Variants in CIMIP2C observed in about 807,000 individuals in gnomAD.
CIMIP2C encodes UPF0573 protein C2orf70.
At chr2:26,577,661 C>A in the CIMIP2C span, 1 of 1,533,294 alleles carries the variant, frequency 6.5e-7, no homozygotes, top group Admixed American at 1.7e-5. Context: ...TCTACGCAGT[C>A]AAGAAACGCA....
the CIMIP2C span, among the ~76,000 whole-genome samples, chr2:26,565,823 G>T: frequency 1.3e-5 from 2 of 152,328 alleles, no homozygotes; most frequent in Non-Finnish European, 2.9e-5. Context: ...TAGGAACCCC[G>T]GGGAACATGA....
the CIMIP2C span, chr2:26,577,654 A>G: frequency 1.3e-6 from 2 of 1,584,394 alleles, no homozygotes; most frequent in South Asian, 2.2e-5. Flanking sequence ...CCCTTCATCT[A>G]CGCAGTCAAG....
the CIMIP2C span, among the ~76,000 whole-genome samples, chr2:26,571,154 A>G: frequency 1.3e-5 from 2 of 152,070 alleles, no homozygotes; most frequent in East Asian, 1.9e-4. Context: ...AGAGGCTGTC[A>G]TTGACATACG....
chr2:26,576,860 G>T, the CIMIP2C span, among the ~76,000 whole-genome samples: 1 of 152,236 alleles, frequency 6.6e-6, no homozygotes, highest in African/African-American at 2.4e-5. Flanking sequence ...ATGGGCCTGA[G>T]CTGGCCCTTA....
chr2:26,576,132 A>T, the CIMIP2C span: 1 of 1,614,118 alleles, frequency 6.2e-7, no homozygotes, highest in Non-Finnish European at 8.5e-7. Context: ...ACTCGCTTCA[A>T]CCTGGACAGC....
chr2:26,569,973 G>A, the CIMIP2C span, among the ~76,000 whole-genome samples: 2 of 152,302 alleles, frequency 1.3e-5, no homozygotes, highest in East Asian at 1.9e-4. Context: ...ACAAATGCAG[G>A]TGCATATAAG....
chr2:26,577,245 G>A, the CIMIP2C span, among the ~76,000 whole-genome samples: 1 of 152,192 alleles, frequency 6.6e-6, no homozygotes, highest in African/African-American at 2.4e-5. Context: ...TACTCAGTCT[G>A]AGCTTGTCCC....
chr2:26,566,622 C>T, the CIMIP2C span, among the ~76,000 whole-genome samples: 2 of 152,186 alleles, frequency 1.3e-5, no homozygotes, highest in South Asian at 2.1e-4. Flanking sequence ...ATTTCCACCC[C>T]ACAGATAGAG....
At chr2:26,577,430 C>T in the CIMIP2C span, 6 of 1,286,476 alleles carry the variant, frequency 4.7e-6, no homozygotes, top group Admixed American at 1.8e-5. Context: ...CAACCCTGCC[C>T]AGGTGCAGCG....
the CIMIP2C span, chr2:26,577,693 G>A: frequency 8.5e-7 from 1 of 1,176,852 alleles, no homozygotes; most frequent in Non-Finnish European, 1.3e-6. Context: ...CCTGCTCTCG[G>A]CCAGGCATGC....
At chr2:26,562,663 C>G in the CIMIP2C span, 9 of 1,581,920 alleles carry the variant, frequency 5.7e-6, no homozygotes, top group Middle Eastern at 3.3e-4. Flanking sequence ...ATGCCGCCTA[C>G]GTGCCCCCTG....
the CIMIP2C span, chr2:26,572,033 A>G: frequency 1.4e-6 from 2 of 1,427,624 alleles, no homozygotes; most frequent in Non-Finnish European, 1.9e-6. Context: ...ATCCCACTAT[A>G]GGAGAGAGAG....
chr2:26,571,274 G>C, the CIMIP2C span, among the ~76,000 whole-genome samples: 1 of 152,282 alleles, frequency 6.6e-6, no homozygotes, highest in Non-Finnish European at 1.5e-5. Context: ...GCCAGACCCA[G>C]GGGCTCCCCC....
chr2:26,575,115 G>A, the CIMIP2C span, among the ~76,000 whole-genome samples: 3 of 152,190 alleles, frequency 2.0e-5, no homozygotes, highest in Admixed American at 6.5e-5. Context: ...GCCTCCGCTC[G>A]CCCATCTCCT....
the CIMIP2C span, among the ~76,000 whole-genome samples, chr2:26,567,328 C>T: frequency 6.6e-6 from 1 of 152,150 alleles, no homozygotes; most frequent in African/African-American, 2.4e-5. Flanking sequence ...TAAGGGGCTC[C>T]CCATTTGTTG....
chr2:26,571,111 C>T, the CIMIP2C span, among the ~76,000 whole-genome samples: 5 of 141,672 alleles, frequency 3.5e-5, no homozygotes, highest in African/African-American at 1.3e-4. Context: ...GGATCCATTG[C>T]CAGAATGGTG....
At chr2:26,570,820 G>A in the CIMIP2C span, among the ~76,000 whole-genome samples, 1 of 152,152 alleles carries the variant, frequency 6.6e-6, no homozygotes, top group Non-Finnish European at 1.5e-5. Context: ...ATTTAGACCA[G>A]GGAGGAGATT....
the CIMIP2C span, among the ~76,000 whole-genome samples, chr2:26,576,639 T>C: frequency 6.6e-6 from 1 of 152,176 alleles, no homozygotes; most frequent in African/African-American, 2.4e-5. Flanking sequence ...TATCCACCTG[T>C]GTCCTGGAGC....
chr2:26,568,010 T>C, the CIMIP2C span, among the ~76,000 whole-genome samples: 1 of 152,196 alleles, frequency 6.6e-6, no homozygotes, highest in African/African-American at 2.4e-5. Context: ...TGAAGCCTTC[T>C]ACCTGTGCCA....
Sources: gnomAD v4.1 joint callset for allele counts (sites outside exome capture counted in the v4.1 genomes callset) on GRCh38, gnomAD v4.1.1 for gene constraint, MANE v1.5 for transcripts, NCBI Gene and HGNC (gene_info 2026-07-23, HGNC 2026-07-21) for gene names.